MSTO1: variants seen among roughly 807,000 people sequenced by gnomAD.
MSTO1 encodes the protein misato mitochondrial distribution and morphology regulator 1, also known as protein misato homolog 1.
MSTO1 carries 24 observed loss-of-function variants against 55.7 expected under a neutral mutation model. That is an observed-to-expected ratio of 0.43 (90% CI 0.31 to 0.61). MSTO1 has a LOEUF of 0.61. MSTO1 is among the 20% of genes least tolerant of loss of function. MSTO1 has a pLI of 0.09. For missense variants in MSTO1, 363 were observed against 625.7 expected (o/e 0.58, Z 4.48); for synonymous variants, 162 against 252.8 (o/e 0.64, Z 3.41).
At chr1:155,602,317 A>G in the MSTO1 span, 13 of 259,352 alleles carry the variant, frequency 5.0e-5, no homozygotes, top group Admixed American at 1.1e-4. Flanking sequence ...TCTCTACTAA[A>G]AATACAAAAT....
Position 155,614,522 on chromosome 1 carries a change from T to C in MSTO1, c.*249T>C. 1 of 630,390 alleles carries C rather than the reference T, an allele frequency of 1.6e-6. No homozygotes were observed. Among genetic ancestry groups the C allele is most frequent in the South Asian group, 2.0e-5 (1 of 50,612 alleles). The allele number at this position is 630,390 out of a possible 1,614,324, so 39.0% of individuals were successfully genotyped here. ...ACAGAGGACATCTGTAAAGTCTTCA[T>C]AAAAGACCTTGAATGATGCCTAGGA... On this transcript the variant is annotated 3_prime_UTR_variant, in exon 14 of 14. Transcript: ENST00000245564.
the MSTO1 span, among the ~76,000 whole-genome samples, chr1:155,602,853 A>G: frequency 1.3e-5 from 2 of 151,848 alleles, no homozygotes; most frequent in African/African-American, 4.8e-5. Context: ...TCTCCAGACA[A>G]TATCTTTTTA....
the MSTO1 span, among the ~76,000 whole-genome samples, chr1:155,587,326 A>G: frequency 2.7e-5 from 4 of 148,154 alleles, no homozygotes; most frequent in South Asian, 2.1e-4. Flanking sequence ...GGTAATCCCA[A>G]CTACTCCAGA....
chr1:155,590,836 A>G, the MSTO1 span: 2 of 1,608,478 alleles, frequency 1.2e-6, no homozygotes, highest in South Asian at 1.1e-5. Flanking sequence ...GTCCCAGATG[A>G]TGGCATGCGC....
the MSTO1 span, among the ~76,000 whole-genome samples, chr1:155,603,973 C>T: frequency 1.3e-5 from 2 of 151,936 alleles, no homozygotes; most frequent in Admixed American, 6.6e-5. Context: ...TCCTTTTTAA[C>T]CCAGGAAGAC....
At chr1:155,590,618 T>C in the MSTO1 span, 1 of 1,355,412 alleles carries the variant, frequency 7.4e-7, no homozygotes, top group East Asian at 2.3e-5. Context: ...TAATTCTTGG[T>C]AGGGTACTCA....
At chr1:155,572,051 A>AG in the MSTO1 span, among the ~76,000 whole-genome samples, 1 of 152,036 alleles carries the variant, frequency 6.6e-6, no homozygotes, top group African/African-American at 2.4e-5. Context: ...TCAAAAAAAA[A>AG]AAAAAAAAGA....
the MSTO1 span, among the ~76,000 whole-genome samples, chr1:155,595,491 CTTTTTTTTTT>C: frequency 8.4e-6 from 1 of 119,674 alleles, no homozygotes; most frequent in Non-Finnish European, 1.8e-5. Flanking sequence ...ATTTCTTTTT[CTTTTTTTTTT>C]TTTTTGAGAT....
the MSTO1 span, among the ~76,000 whole-genome samples, chr1:155,567,787 C>A: frequency 6.6e-6 from 1 of 151,426 alleles, no homozygotes; most frequent in Non-Finnish European, 1.5e-5. Context: ...TGTAACCCCA[C>A]ACTTTGGGAG....
chr1:155,612,569 A>G lies in MSTO1; in HGVS notation c.965A>G (p.Asp322Gly). Residue 322 changes from aspartate to glycine, a missense_variant and splice_region_variant, in exon 9 of 14, where the codon GAT (aspartate) becomes GGT (glycine). Asp to Gly is a moderately conservative substitution (Grantham distance 94). Around this residue, in one of 3 missense-constraint regions of MSTO1, gnomAD observed 231 missense variants for 286.9 expected, o/e 0.81. Transcript: ENST00000245564. ...GTCAGCTTCCCTTACCTGCATTATGATGTAAGTCTCGGTGCTCTTGTTCTG... is the reference window on the plus strand; with the variant it reads ...GTCAGCTTCCCTTACCTGCATTATGGTGTAAGTCTCGGTGCTCTTGTTCTG... ...PPVSFPYLHY[D>G]ATLPFHCSAI... 6.2e-7 allele frequency: 1 copy of G among 1,608,670 alleles called. No homozygotes were observed. The highest frequency in any genetic ancestry group is 8.5e-7 in the Non-Finnish European group (1 of 1,178,576).
chr1:155,568,515 T>A, the MSTO1 span, among the ~76,000 whole-genome samples: 2 of 152,146 alleles, frequency 1.3e-5, no homozygotes, highest in African/African-American at 4.8e-5. Context: ...CTCAGCTCAC[T>A]GCAACTTCCG....
the MSTO1 span, among the ~76,000 whole-genome samples, chr1:155,567,633 G>T: frequency 4.6e-5 from 7 of 151,926 alleles, no homozygotes; most frequent in African/African-American, 1.4e-4. Context: ...ACAGCGTTTC[G>T]CCATGTTGGC....
the MSTO1 span, among the ~76,000 whole-genome samples, chr1:155,601,476 G>C: frequency 6.6e-6 from 1 of 151,954 alleles, no homozygotes; most frequent in Non-Finnish European, 1.5e-5. Context: ...TTTAGTCTAA[G>C]ATGGACCTGA....
the MSTO1 span, chr1:155,563,287 G>A: frequency 2.2e-6 from 1 of 456,138 alleles, no homozygotes; most frequent in Non-Finnish European, 4.4e-6. Context: ...CGCAGGCGGT[G>A]TGTGCCGGTC....
chr1:155,595,094 T>C, the MSTO1 span, among the ~76,000 whole-genome samples: 2 of 146,552 alleles, frequency 1.4e-5, no homozygotes, highest in East Asian at 2.0e-4. Context: ...GCCAAGATCA[T>C]GCCACTACAT....
At chr1:155,605,845 T>C, upstream of MSTO1, among the ~76,000 whole-genome samples, 1 of 152,144 alleles carries the variant, frequency 6.6e-6, no homozygotes, top group East Asian at 1.9e-4. Context: ...CCAGCAAACA[T>C]TTAAAGAAAT....
chr1:155,567,127 G>T, the MSTO1 span, among the ~76,000 whole-genome samples: 1 of 151,234 alleles, frequency 6.6e-6, no homozygotes, highest in Non-Finnish European at 1.5e-5. Flanking sequence ...CATAAGAGTT[G>T]GTTTTTTTTT....
At chr1:155,609,413 T>C (rs572440641), upstream of MSTO1, among the ~76,000 whole-genome samples, 8 of 146,498 alleles carry the variant, frequency 5.5e-5, no homozygotes, top group Non-Finnish European at 1.2e-4. Context: ...GCCCAGCTAA[T>C]TTTTTTTTGT....
the MSTO1 span, chr1:155,590,669 G>A: frequency 3.5e-6 from 5 of 1,438,194 alleles, no homozygotes; most frequent in Middle Eastern, 1.8e-4. Flanking sequence ...GTCCAGTAGC[G>A]GGCCATGTAA....
Sources: allele counts gnomAD v4.1 joint callset (sites outside exome capture counted in the v4.1 genomes callset), GRCh38; gene constraint gnomAD v4.1.1; regional missense constraint gnomAD v4.1.1; transcripts MANE v1.5; gene names NCBI Gene and HGNC (gene_info 2026-07-23, HGNC 2026-07-21).